Variants in FBXO3 observed in about 807,000 individuals in gnomAD.
The protein encoded by FBXO3 is F-box protein 3.
In FBXO3, 17 loss-of-function variants were observed where a neutral mutation model predicts 64.8. The ratio of observed to expected loss-of-function variants is 0.26; its 90% CI spans 0.18 to 0.39. The LOEUF (loss-of-function observed/expected upper bound fraction) is 0.39. Ranked by LOEUF, FBXO3 falls within the 10% of genes least tolerant of loss-of-function variation. The pLI is 1.00. For missense variants in FBXO3, 420 were observed against 589.9 expected (o/e 0.71, Z 2.98); for synonymous variants, 182 against 201.6 (o/e 0.90, Z 0.82).
chr11:33,767,181 T>C lies in FBXO3; in HGVS notation c.358+1670A>G, dbSNP rs541973032. 2.2e-3 allele frequency among the ~76,000 whole-genome samples: 333 copies of C among 152,318 alleles called. 1 individual carries two copies. Among genetic ancestry groups the C allele is most frequent in the African/African-American group, 7.8e-3 (323 of 41,578 alleles). On this transcript the variant is annotated intron_variant, in intron 3 of 10. Transcript: ENST00000265651. ...ACATTCTAAGACATTCCAAACATAA[T>C]AGGATAGGTCCTGTCTCCCTTCAGC... is the stretch of plus-strand genomic sequence containing the variant.
intron 3 of FBXO3, among the ~76,000 whole-genome samples, chr11:33,761,222 T>C (rs1467135494): frequency 3.9e-5 from 6 of 151,922 alleles, no homozygotes; most frequent in Non-Finnish European, 5.9e-5. Flanking sequence ...GTGGGACAAA[T>C]AGAAAAACAG....
Position 33,774,507 on chromosome 11 carries a change from C to A in FBXO3, c.-10G>T. On this transcript the variant is annotated 5_prime_UTR_variant, in exon 1 of 11. Transcript: ENST00000265651. ...TCTCCATGGCCGCCATCTTGCCTGG[C>A]CCGGTGCAGGTCTGGCCCCGCCCTG... The A allele has an allele frequency of 6.5e-7, 1 of 1,528,816 alleles. No individual in the cohort carries two copies. Among genetic ancestry groups the A allele is most frequent in the Non-Finnish European group, 8.8e-7 (1 of 1,139,504 alleles). 94.7% of individuals were successfully genotyped at this position (1,528,816 alleles called of 1,614,324 possible). A position where few individuals can be genotyped will look rare whatever the true frequency, so the allele number is the denominator to read the frequency against.
chr11:33,756,126 T>A, intron 4 of FBXO3, 151 bp from the exon 5 acceptor site: 1 of 595,640 alleles, frequency 1.7e-6, no homozygotes, highest in Non-Finnish European at 2.9e-6. Context: ...AGCACTATAA[T>A]TTCTAAATAT....
intron 3 of FBXO3, among the ~76,000 whole-genome samples, chr11:33,766,455 C>T (rs372878007): frequency 5.3e-5 from 8 of 152,298 alleles, no homozygotes; most frequent in East Asian, 3.9e-4. Flanking sequence ...ACAACAACAG[C>T]GGAGTTGAAG....
chr11:33,768,765 G>A, intron 3 of FBXO3, 86 bp downstream of exon 3: 2 of 1,491,418 alleles, frequency 1.3e-6, no homozygotes, highest in Middle Eastern at 1.7e-4. Context: ...CAGTTGCGTA[G>A]ATGACAGAGA....
intron 1 of FBXO3, chr11:33,773,105 T>C (rs568769236): frequency 2.0e-4 from 31 of 152,326 alleles, no homozygotes; most frequent in African/African-American, 7.0e-4. Context: ...TGGAGGACCT[T>C]AGATATACAA....
At chr11:33,751,117 C>T (rs1012451541) in intron 7 of FBXO3, among the ~76,000 whole-genome samples, 1 of 152,180 alleles carries the variant, frequency 6.6e-6, no homozygotes, top group Non-Finnish European at 1.5e-5. Context: ...GTATTACCTC[C>T]AGTACTCCCT....
chr11:33,752,946 G>T (rs188039524), intron 6 of FBXO3, among the ~76,000 whole-genome samples: 1 of 152,062 alleles, frequency 6.6e-6, no homozygotes, highest in Non-Finnish European at 1.5e-5. Context: ...TTAAGATGAG[G>T]ACAGACTAGG....
At chr11:33,770,246 T>A (rs147312471) in intron 2 of FBXO3, among the ~76,000 whole-genome samples, 159 of 152,354 alleles carry the variant, frequency 1.0e-3, no homozygotes, top group African/African-American at 3.7e-3. Context: ...AAACCTCTGC[T>A]TCTTACTTCA....
chr11:33,746,711 A>C, intron 10 of FBXO3: 1 of 1,405,666 alleles, frequency 7.1e-7, no homozygotes, highest in South Asian at 1.3e-5. Context: ...GATCCCAGAG[A>C]GACTGCCAAA....
At chr11:33,761,876 G>T (rs1855252625) in intron 3 of FBXO3, among the ~76,000 whole-genome samples, 1 of 152,138 alleles carries the variant, frequency 6.6e-6, no homozygotes, top group South Asian at 2.1e-4. Context: ...ATGCCAGCTT[G>T]CTTATTCAAA....
At chr11:33,764,745 G>A (rs755739177) in intron 3 of FBXO3, among the ~76,000 whole-genome samples, 3 of 152,056 alleles carry the variant, frequency 2.0e-5, no homozygotes, top group Non-Finnish European at 2.9e-5. Context: ...AGGCCTACAC[G>A]GGCAGATCAC....
At chr11:33,752,083 C>A (rs1289285527) in intron 6 of FBXO3, among the ~76,000 whole-genome samples, 4 of 152,232 alleles carry the variant, frequency 2.6e-5, no homozygotes, top group African/African-American at 9.6e-5. Flanking sequence ...TCAGTCTGGA[C>A]ATCTACCAGG....
intron 3 of FBXO3, among the ~76,000 whole-genome samples, chr11:33,759,188 T>G (rs1200354171): frequency 6.6e-6 from 1 of 152,160 alleles, no homozygotes; most frequent in Non-Finnish European, 1.5e-5. Context: ...TCTTGCTGAA[T>G]AGTGAAAACA....
intron 7 of FBXO3, 25 bp from the exon 8 acceptor site, chr11:33,750,686 T>C: frequency 6.3e-7 from 1 of 1,596,796 alleles, no homozygotes; most frequent in Non-Finnish European, 8.6e-7. Context: ...AATTAAACAT[T>C]TTAAAATCAA....
intron 4 of FBXO3, among the ~76,000 whole-genome samples, chr11:33,757,296 G>C (rs1433038809): frequency 6.6e-6 from 1 of 151,794 alleles, no homozygotes; most frequent in Non-Finnish European, 1.5e-5. Flanking sequence ...TTCTAAAACT[G>C]TGGGTGAGTT....
intron 6 of FBXO3, among the ~76,000 whole-genome samples, chr11:33,751,934 A>G (rs1003373461): frequency 3.3e-5 from 5 of 152,228 alleles, no homozygotes; most frequent in Admixed American, 6.5e-5. Context: ...TTCTGTCTGT[A>G]ATTTATTGAA....
chr11:33,753,620 T>A (rs1277982372), intron 6 of FBXO3: 1 of 152,216 alleles, frequency 6.6e-6, no homozygotes, highest in South Asian at 2.1e-4. Flanking sequence ...TATAACTTAC[T>A]AGGTAAGAGT....
chr11:33,750,742 AC>A, intron 7 of FBXO3, 81 bp from the exon 8 acceptor site: 1 of 1,324,648 alleles, frequency 7.5e-7, no homozygotes, highest in African/African-American at 1.5e-5. Flanking sequence ...ATACTTTAGG[AC>A]AAAAAATTTA....
Sources: allele counts gnomAD v4.1 joint callset (sites outside exome capture counted in the v4.1 genomes callset), GRCh38; gene constraint gnomAD v4.1.1; transcripts MANE v1.5; gene names NCBI Gene and HGNC (gene_info 2026-07-23, HGNC 2026-07-21).